The following ZFYVE9 variants were observed in gnomAD, a reference collection of about 807,000 sequenced individuals.
ZFYVE9 encodes the protein zinc finger FYVE-type containing 9.
Under a neutral mutation model 126.7 loss-of-function variants are expected in ZFYVE9, and 43 were observed. The ratio of observed to expected loss-of-function variants is 0.34; its 90% confidence interval spans 0.27 to 0.44. The LOEUF is 0.44. Among genes scored for constraint, ZFYVE9 ranks in the 20% least tolerant of loss-of-function variants. The pLI, the probability that ZFYVE9 is intolerant of heterozygous loss-of-function variation, is 1.00. For synonymous variants in ZFYVE9, 521 were observed against 597.4 expected (o/e 0.87, Z 1.87); for missense variants, 1,476 against 1,697.0 (o/e 0.87, Z 2.29).
intron 12 of ZFYVE9, among the ~76,000 whole-genome samples, chr1:52,296,281 T>C (rs928525751): frequency 3.3e-5 from 5 of 152,002 alleles, no homozygotes; most frequent in African/African-American, 1.2e-4. Context: ...CTTGCAGAAT[T>C]ATTGTGAGGA....
chr1:52,269,574 A>G (rs1445645746), intron 7 of ZFYVE9, among the ~76,000 whole-genome samples: 1 of 152,152 alleles, frequency 6.6e-6, no homozygotes, highest in Non-Finnish European at 1.5e-5. Context: ...GCATGTTGTT[A>G]AGATTAGATT....
At chr1:52,332,015 C>T (rs1330562730) in intron 13 of ZFYVE9, among the ~76,000 whole-genome samples, 2 of 151,782 alleles carry the variant, frequency 1.3e-5, no homozygotes, top group African/African-American at 4.8e-5. Flanking sequence ...CTCCTGACCT[C>T]GTGATCCGCC....
At chr1:52,245,351 C>T (rs1330062009) in intron 4 of ZFYVE9, among the ~76,000 whole-genome samples, 1 of 151,590 alleles carries the variant, frequency 6.6e-6, no homozygotes, top group Non-Finnish European at 1.5e-5. Flanking sequence ...GAGAAATGAA[C>T]AGTTACAAAG....
At chr1:52,201,460 T>C (rs1309928820) in intron 1 of ZFYVE9, among the ~76,000 whole-genome samples, 1 of 147,794 alleles carries the variant, frequency 6.8e-6, no homozygotes, top group Non-Finnish European at 1.5e-5. Flanking sequence ...CACTGCAAGC[T>C]CTGCCCCCTG....
At chr1:52,193,393 CAAAAAA>C (rs397863555) in intron 1 of ZFYVE9, among the ~76,000 whole-genome samples, 1 of 95,830 alleles carries the variant, frequency 1.0e-5, no homozygotes. Flanking sequence ...TTGTCAGTAT[CAAAAAA>C]AAAAAAAAAA....
At chr1:52,329,413 T>C (rs1280498720) in intron 13 of ZFYVE9, among the ~76,000 whole-genome samples, 1 of 152,130 alleles carries the variant, frequency 6.6e-6, no homozygotes. Context: ...CAGTAATCTT[T>C]CGTGACCTTG....
Position 52,238,334 on chromosome 1 carries a change from G to T in ZFYVE9, c.917G>T (p.Ser306Ile). ...KISSPRTDLG[S>I]PNSFSHMSEG... is the part of the protein sequence containing the mutation. ...AGCTCTCCTAGGACAGATCTAGGGAGTCCAAATTCCTTTTCCCACATGAGT... is the reference window on the plus strand; with the variant it reads ...AGCTCTCCTAGGACAGATCTAGGGATTCCAAATTCCTTTTCCCACATGAGT... The change falls in exon 4 of 19, where the codon AGT (serine) becomes ATT (isoleucine). Residue 306 changes from serine to isoleucine, a missense_variant. Around this residue, in one of 2 missense-constraint regions of ZFYVE9, gnomAD observed 807 missense variants for 794.6 expected, o/e 1.02. Coordinates refer to ENST00000287727, the MANE Select transcript of ZFYVE9 (RefSeq NM_004799.4). The T allele has an allele frequency of 6.2e-7, 1 of 1,613,698 alleles. No individual in the cohort carries two copies. The highest frequency in any genetic ancestry group is 1.3e-5 in the African/African-American group (1 of 75,026).
chr1:52,254,290 A>G lies in ZFYVE9; in HGVS notation c.2179-9483A>G, dbSNP rs1645481393. The G allele has an allele frequency of 1.8e-5, 3 of 170,854 alleles. No individual in the cohort carries two copies. The Admixed American group carries it at 1.9e-4, about 11-fold the overall frequency. 10.6% of individuals were successfully genotyped at this position (170,854 alleles called of 1,614,324 possible). A position where few individuals can be genotyped will look rare whatever the true frequency, so the allele number is the denominator to read the frequency against. On this transcript the variant is annotated intron_variant, in intron 4 of 18. Coordinates refer to ENST00000287727, the MANE Select transcript of ZFYVE9 (RefSeq NM_004799.4). ...AAACATCAGTTATTTGCAACTTTAT[A>G]TATATTTAAAAATATTTTATTGTAA...
In ZFYVE9 at chr1:52,251,026, TTTGTTGTTGTTGTTG is replaced by T. The variant is rs200636201; in HGVS notation, c.2178+11455_2178+11469del. ...CATGCTTGGCCAGTTTTCAGTCGTT[TTTGTTGTTGTTGTTG>T]TTGTTGTTGTTGTTGTTGTTGTTTG... On this transcript the variant is annotated intron_variant, in intron 4 of 18. Coordinates refer to ENST00000287727, the MANE Select transcript of ZFYVE9 (RefSeq NM_004799.4). 6.1e-3 allele frequency among the ~76,000 whole-genome samples: 890 copies of T among 147,034 alleles called. 12 individuals carry two copies. Among genetic ancestry groups the T allele is most frequent in the South Asian group, 0.044 (206 of 4,666 alleles).
chr1:52,345,422 G>C (rs1333907484), intron 18 of ZFYVE9, among the ~76,000 whole-genome samples: 1 of 152,190 alleles, frequency 6.6e-6, no homozygotes, highest in Non-Finnish European at 1.5e-5. Context: ...ACAGGGTTGT[G>C]CCATTATCAG....
At chr1:52,214,145 G>A (rs1645051444) in intron 1 of ZFYVE9, among the ~76,000 whole-genome samples, 4 of 152,152 alleles carry the variant, frequency 2.6e-5, no homozygotes, top group Admixed American at 2.6e-4. Context: ...TTATAAATGT[G>A]GCCGGGCGCG....
intron 1 of ZFYVE9, among the ~76,000 whole-genome samples, chr1:52,203,386 T>A (rs937217016): frequency 6.6e-6 from 1 of 151,776 alleles, no homozygotes; most frequent in African/African-American, 2.4e-5. Context: ...TTTCACTATG[T>A]TGGCCAGTCT....
At chr1:52,160,314 C>G in intron 1 of ZFYVE9, 6 of 1,077,338 alleles carry the variant, frequency 5.6e-6, no homozygotes, top group Non-Finnish European at 8.7e-6. Flanking sequence ...AGTTCAAAGG[C>G]TTTGTTGATT....
intron 1 of ZFYVE9, among the ~76,000 whole-genome samples, chr1:52,157,559 A>G (rs1321789618): frequency 3.3e-5 from 5 of 150,628 alleles, no homozygotes; most frequent in African/African-American, 1.2e-4. Flanking sequence ...CCACCACCAC[A>G]CCTGGCTAAT....
Position 52,159,495 on chromosome 1 carries a change from A to G in ZFYVE9, c.-143+17092A>G, listed in dbSNP as rs564595228. On this transcript the variant is annotated intron_variant, in intron 1 of 18. Transcript: ENST00000287727. The stretch of plus-strand genomic sequence containing the variant: ...ATGCAGGTCTGACAGAGTCTCAGAC[A>G]ACACAGTGAAGACTTGAACAAAAAT... Among the ~76,000 whole-genome samples the G allele has an allele frequency of 3.9e-5, 6 of 152,332 alleles. No individual in the cohort carries two copies. The South Asian group carries it at 1.2e-3, about 32-fold the overall frequency.
At chr1:52,190,473 G>A (rs1557447544) in intron 1 of ZFYVE9, among the ~76,000 whole-genome samples, 2 of 152,204 alleles carry the variant, frequency 1.3e-5, no homozygotes, top group South Asian at 4.1e-4. Context: ...TAGATTCTCT[G>A]TATGTTAATA....
At chr1:52,148,478 A>G (rs2124490862) in intron 1 of ZFYVE9, among the ~76,000 whole-genome samples, 1 of 151,880 alleles carries the variant, frequency 6.6e-6, no homozygotes, top group African/African-American at 2.4e-5. Context: ...AGAAGAGCGA[A>G]ACTCCATCTC....
chr1:52,178,163 C>A (rs1309629077), intron 1 of ZFYVE9, among the ~76,000 whole-genome samples: 1 of 150,296 alleles, frequency 6.7e-6, no homozygotes, highest in South Asian at 2.1e-4. Context: ...CCTGTAGTCT[C>A]AGCTACTTGG....
intron 1 of ZFYVE9, among the ~76,000 whole-genome samples, chr1:52,188,228 A>AC (rs776743455): frequency 0.37 from 9,954 of 27,244 alleles, 367 homozygotes; most frequent in South Asian, 0.48. Context: ...ATGCAGGAAC[A>AC]GAAACCGTAT....
Sources: allele counts gnomAD v4.1 joint callset (sites outside exome capture counted in the v4.1 genomes callset), GRCh38; gene constraint gnomAD v4.1.1; regional missense constraint gnomAD v4.1.1; transcripts MANE v1.5; gene names NCBI Gene and HGNC (gene_info 2026-07-23, HGNC 2026-07-21).